WWOX: variants seen among roughly 807,000 people sequenced by gnomAD.
WWOX encodes WW domain containing oxidoreductase.
A neutral mutation model predicts 46.2 loss-of-function variants in WWOX; 69 were observed. The observed-to-expected ratio is 1.49, with a 90% CI of 1.23 to 1.82. WWOX has a LOEUF of 1.82. Among genes scored for constraint, WWOX ranks in the 40% most tolerant of loss-of-function variants. The pLI is 0.00. For synonymous variants in WWOX, 359 were observed against 202.6 expected, an observed-to-expected ratio of 1.77 and a Z score of -6.56; for missense variants, 919 against 542.6, an observed-to-expected ratio of 1.69 and a Z score of -6.89.
At chr16:79,131,047 C>A (rs367753845) in intron 8 of WWOX, among the ~76,000 whole-genome samples, 5 of 152,304 alleles carry the variant, frequency 3.3e-5, no homozygotes, top group Admixed American at 2.6e-4. Flanking sequence ...CACACAATGA[C>A]CAGCAGGCTT....
At chr16:78,974,806 T>C (rs1035470034) in intron 8 of WWOX, among the ~76,000 whole-genome samples, 10 of 152,174 alleles carry the variant, frequency 6.6e-5, no homozygotes, top group African/African-American at 2.2e-4. Flanking sequence ...CGTAATCTTC[T>C]GAGACCCACA....
At chr16:78,126,921 C>T (rs982589280) in intron 4 of WWOX, among the ~76,000 whole-genome samples, 1 of 152,210 alleles carries the variant, frequency 6.6e-6, no homozygotes, top group African/African-American at 2.4e-5. Context: ...AACAGCGCTT[C>T]AGAGCTTTTC....
chr16:78,848,280 T>G (rs80270363), intron 8 of WWOX, among the ~76,000 whole-genome samples: 6,088 of 151,936 alleles, frequency 0.04, 393 homozygotes, highest in African/African-American at 0.14. Context: ...CTTTTCGTTG[T>G]TGATGTTGTT....
intron 8 of WWOX, among the ~76,000 whole-genome samples, chr16:78,529,116 G>A (rs116416544): frequency 6.6e-6 from 1 of 151,370 alleles, no homozygotes; most frequent in Non-Finnish European, 1.5e-5. Context: ...ACCATGCCCA[G>A]CTAAGTTTGT....
intron 8 of WWOX, among the ~76,000 whole-genome samples, chr16:78,478,247 T>G (rs1009412908): frequency 3.3e-5 from 5 of 152,230 alleles, no homozygotes; most frequent in African/African-American, 1.2e-4. Context: ...ATACTGTATT[T>G]ATGGCCTATT....
At chr16:78,455,643 C>CAA (rs57754374) in intron 8 of WWOX, among the ~76,000 whole-genome samples, 1,340 of 60,516 alleles carry the variant, frequency 0.022, 120 homozygotes, top group African/African-American at 0.066. Flanking sequence ...GACTCTGTCT[C>CAA]AAAAAAAAAA....
At chr16:78,491,203 C>T (rs925539432) in intron 8 of WWOX, among the ~76,000 whole-genome samples, 2 of 152,160 alleles carry the variant, frequency 1.3e-5, no homozygotes, top group African/African-American at 4.8e-5. Flanking sequence ...CCTTCCCAGA[C>T]CTTTACTCAC....
intron 8 of WWOX, among the ~76,000 whole-genome samples, chr16:78,688,597 C>A (rs2047915279): frequency 6.6e-6 from 1 of 152,168 alleles, no homozygotes; most frequent in African/African-American, 2.4e-5. Context: ...AGCCATCCTT[C>A]CAGCCACTGC....
chr16:78,758,761 G>A (rs960473416), intron 8 of WWOX, among the ~76,000 whole-genome samples: 2 of 152,074 alleles, frequency 1.3e-5, no homozygotes, highest in African/African-American at 4.8e-5. Context: ...CTGGGGTGGT[G>A]AGAAGGTTAA....
intron 5 of WWOX, among the ~76,000 whole-genome samples, chr16:78,213,338 T>G (rs2151790017): frequency 6.6e-6 from 1 of 150,964 alleles, no homozygotes; most frequent in Middle Eastern, 3.5e-3. Context: ...TTCCCTAATA[T>G]AAGGGAGCAT....
chr16:78,447,618 T>G (rs951468359), intron 8 of WWOX, among the ~76,000 whole-genome samples: 19 of 152,172 alleles, frequency 1.2e-4, no homozygotes, highest in African/African-American at 4.3e-4. Flanking sequence ...CAACAAAAAT[T>G]AGTCGGAGGC....
intron 8 of WWOX, among the ~76,000 whole-genome samples, chr16:78,977,955 C>G (rs575500972): frequency 2.3e-4 from 33 of 142,690 alleles, no homozygotes; most frequent in African/African-American, 7.8e-4. Flanking sequence ...GCAGTACATT[C>G]ACAATGGTGT....
At chr16:78,872,763 A>C (rs976980720) in intron 8 of WWOX, 6 of 152,132 alleles carry the variant, frequency 3.9e-5, no homozygotes, top group African/African-American at 1.4e-4. Flanking sequence ...TGAAGCATCA[A>C]CACTTACTTC....
chr16:78,590,284 A>G (rs1218828528), intron 8 of WWOX, among the ~76,000 whole-genome samples: 5 of 152,178 alleles, frequency 3.3e-5, no homozygotes, highest in South Asian at 4.1e-4. Context: ...GCTGCTTTCT[A>G]TCCTTCAAAA....
chr16:78,486,489 T>C (rs927480594), intron 8 of WWOX, among the ~76,000 whole-genome samples: 2 of 152,232 alleles, frequency 1.3e-5, no homozygotes, highest in African/African-American at 2.4e-5. Flanking sequence ...CCTGATAGTT[T>C]AGCAGTGTGC....
chr16:78,851,513 A>C (rs951656565), intron 8 of WWOX, among the ~76,000 whole-genome samples: 8 of 152,208 alleles, frequency 5.3e-5, no homozygotes, highest in Non-Finnish European at 1.2e-4. Context: ...AATGAGCCTG[A>C]TACTTTCACA....
At chr16:78,979,523 C>A (rs898645292) in intron 8 of WWOX, among the ~76,000 whole-genome samples, 4 of 152,184 alleles carry the variant, frequency 2.6e-5, no homozygotes, top group African/African-American at 9.7e-5. Flanking sequence ...GAAAGGCCCT[C>A]ACTCCCTGGA....
rs367553686 is a variant in WWOX at position 78,875,428 on chromosome 16, C to G, written c.1057-336180C>G. Among the ~76,000 whole-genome samples the G allele has an allele frequency of 1.4e-4, 22 of 152,312 alleles. No homozygotes were observed. In the South Asian group the frequency reaches 3.5e-3, roughly 24 times the overall value. On this transcript the variant is annotated intron_variant, in intron 8 of 8. Coordinates refer to ENST00000566780, the MANE Select transcript of WWOX (RefSeq NM_016373.4). Reference sequence around the variant, plus strand: ...TTTCTCTAATTCTCGAGTGTCTGATCTGCCTGGCTAGAATGATTAAAACAA... The same window carrying G: ...TTTCTCTAATTCTCGAGTGTCTGATGTGCCTGGCTAGAATGATTAAAACAA...
At chr16:79,075,651 C>G (rs1309092485) in intron 8 of WWOX, among the ~76,000 whole-genome samples, 1 of 151,910 alleles carries the variant, frequency 6.6e-6, no homozygotes, top group Non-Finnish European at 1.5e-5. Flanking sequence ...CTTCTGGGAT[C>G]AAGTGATTCT....
Sources: gnomAD v4.1 joint callset for allele counts (sites outside exome capture counted in the v4.1 genomes callset) on GRCh38, gnomAD v4.1.1 for gene constraint, MANE v1.5 for transcripts, NCBI Gene and HGNC (gene_info 2026-07-23, HGNC 2026-07-21) for gene names.